Variants in SMYD3 observed in about 807,000 individuals in gnomAD.
The protein encoded by SMYD3 is histone-lysine N-methyltransferase SMYD3.
Under a neutral mutation model 57.7 loss-of-function variants are expected in SMYD3, and 36 were observed. The ratio of observed to expected loss-of-function variants is 0.62; its 90% CI spans 0.48 to 0.82. The LOEUF is 0.82. SMYD3 is among the 40% of genes least tolerant of loss of function. The probability of loss-of-function intolerance (pLI) is 0.00; values close to 1 mark genes in which losing one functional copy is unlikely to be tolerated. For missense variants in SMYD3, 515 were observed against 538.8 expected (o/e 0.96, Z 0.44); for synonymous variants, 211 against 195.0 (o/e 1.08, Z -0.68).
intron 9 of SMYD3, 103 bp downstream of exon 9, chr1:245,863,696 C>T: frequency 2.1e-6 from 2 of 970,926 alleles, no homozygotes; most frequent in South Asian, 3.0e-5. Flanking sequence ...ACCACTGGCT[C>T]ATGGAGAGGT....
At chr1:246,071,457 T>A (rs1251709036) in intron 5 of SMYD3, among the ~76,000 whole-genome samples, 1 of 152,210 alleles carries the variant, frequency 6.6e-6, no homozygotes, top group African/African-American at 2.4e-5. Context: ...TTAAAATATT[T>A]CAAAATTTCA....
Position 246,120,793 on chromosome 1 carries a change from A to G in SMYD3, c.532-190856T>C, listed in dbSNP as rs1235991731. Among the ~76,000 whole-genome samples, 4 of 152,208 alleles carry G rather than the reference A, an allele frequency of 2.6e-5. No homozygotes were observed. In the South Asian group the frequency reaches 6.2e-4, roughly 24 times the overall value. On this transcript the variant is annotated intron_variant, in intron 5 of 11. Coordinates refer to ENST00000490107, the MANE Select transcript of SMYD3 (RefSeq NM_001167740.2). ...GTGTGTTTCCAGACACTCTGAATGT[A>G]TTTGGGGTTAGTTATGTACACATCT...
intron 5 of SMYD3, among the ~76,000 whole-genome samples, chr1:245,948,003 T>A (rs1010831675): frequency 1.3e-5 from 2 of 152,146 alleles, no homozygotes; most frequent in African/African-American, 4.8e-5. Flanking sequence ...CCTAGGTCCA[T>A]CCGTGTTGTT....
chr1:245,886,208 T>C (rs2053078463), intron 8 of SMYD3, among the ~76,000 whole-genome samples: 1 of 152,234 alleles, frequency 6.6e-6, no homozygotes, highest in South Asian at 2.1e-4. Context: ...GGCCTTTAGC[T>C]ACAGCTTTCC....
At chr1:246,012,172 G>C (rs1376244263) in intron 5 of SMYD3, among the ~76,000 whole-genome samples, 1 of 152,122 alleles carries the variant, frequency 6.6e-6, no homozygotes, top group African/African-American at 2.4e-5. Context: ...TTGTCTTCTT[G>C]AGGGAAAAAC....
At chr1:245,795,427 C>T (rs925497770) in intron 10 of SMYD3, among the ~76,000 whole-genome samples, 1 of 152,212 alleles carries the variant, frequency 6.6e-6, no homozygotes, top group African/African-American at 2.4e-5. Flanking sequence ...CATATCTAGT[C>T]CCTGTTACAT....
intron 5 of SMYD3, among the ~76,000 whole-genome samples, chr1:246,151,688 T>C (rs557878507): frequency 6.6e-6 from 1 of 152,310 alleles, no homozygotes; most frequent in Non-Finnish European, 1.5e-5. Context: ...CAAATAATTT[T>C]CTTTAACTAC....
chr1:245,985,159 T>C (rs2058677513), intron 5 of SMYD3, among the ~76,000 whole-genome samples: 1 of 152,076 alleles, frequency 6.6e-6, no homozygotes, highest in South Asian at 2.1e-4. Context: ...TCCTGGAATA[T>C]CTGCTTTTCA....
chr1:245,807,897 T>C (rs1479125349), intron 10 of SMYD3, among the ~76,000 whole-genome samples: 1 of 152,148 alleles, frequency 6.6e-6, no homozygotes, highest in Non-Finnish European at 1.5e-5. Context: ...CCAGTTAAGC[T>C]GAATAGCATG....
chr1:246,391,207 G>A (rs565332453), intron 1 of SMYD3, among the ~76,000 whole-genome samples: 25 of 144,300 alleles, frequency 1.7e-4, no homozygotes, highest in Middle Eastern at 7.1e-3. Flanking sequence ...GCAACTAAGC[G>A]AGACTCTATA....
chr1:245,823,278 G>C (rs1039337665), intron 10 of SMYD3, among the ~76,000 whole-genome samples: 2 of 152,134 alleles, frequency 1.3e-5, no homozygotes, highest in Non-Finnish European at 2.9e-5. Context: ...CTGCTTCTCT[G>C]CCCTTCCCCC....
intron 5 of SMYD3, among the ~76,000 whole-genome samples, chr1:246,090,536 T>TA (rs1456092773): frequency 1.9e-4 from 29 of 150,710 alleles, no homozygotes; most frequent in African/African-American, 7.1e-4. Context: ...TTTTTTTTTT[T>TA]AGATGGAGTC....
chr1:246,129,431 ATAGAG>A (rs1441731695), intron 5 of SMYD3, among the ~76,000 whole-genome samples: 1 of 152,156 alleles, frequency 6.6e-6, no homozygotes, highest in African/African-American at 2.4e-5. Context: ...GAAATTAAGA[ATAGAG>A]TAAAGCATGG....
chr1:246,198,523 A>G (rs12075065), intron 5 of SMYD3, among the ~76,000 whole-genome samples: 6,745 of 152,312 alleles, frequency 0.044, 509 homozygotes, highest in African/African-American at 0.15. Flanking sequence ...TATGTTATTC[A>G]TCTTTTTTAA....
chr1:246,002,698 C>T (rs1158769434), intron 5 of SMYD3, among the ~76,000 whole-genome samples: 1 of 149,764 alleles, frequency 6.7e-6, no homozygotes, highest in Non-Finnish European at 1.5e-5. Flanking sequence ...GTGATCCGAC[C>T]GCCTCAGCCT....
intron 5 of SMYD3, among the ~76,000 whole-genome samples, chr1:246,083,731 C>T (rs2060681229): frequency 6.6e-6 from 1 of 152,134 alleles, no homozygotes; most frequent in South Asian, 2.1e-4. Context: ...CAGCTAATCT[C>T]ACCTACAATT....
intron 5 of SMYD3, chr1:245,930,218 T>C (rs1352781107): frequency 8.3e-6 from 4 of 480,464 alleles, no homozygotes; most frequent in Non-Finnish European, 1.6e-5. Context: ...TTCAGTCTCA[T>C]TATCCACTAC....
chr1:246,410,458 T>C (rs987825754), intron 1 of SMYD3, among the ~76,000 whole-genome samples: 1 of 152,278 alleles, frequency 6.6e-6, no homozygotes, highest in African/African-American at 2.4e-5. Context: ...GTTCTGTTTA[T>C]ATGCTGGACT....
chr1:246,010,886 G>T lies in SMYD3; in HGVS notation c.532-80949C>A, dbSNP rs915363435. On this transcript the variant is annotated intron_variant, in intron 5 of 11. Coordinates refer to ENST00000490107, the MANE Select transcript of SMYD3 (RefSeq NM_001167740.2). ...AAAGATGGTGTTTCCCCAAGGAAAG[G>T]TGTGCTTATCCTAGTTTGACAGTCT... Among the ~76,000 whole-genome samples the T allele has an allele frequency of 3.3e-5, 5 of 152,300 alleles. No individual in the cohort carries two copies. The East Asian group carries it at 9.7e-4, about 29-fold the overall frequency.
Sources: allele counts gnomAD v4.1 joint callset (sites outside exome capture counted in the v4.1 genomes callset), GRCh38; gene constraint gnomAD v4.1.1; transcripts MANE v1.5; gene names NCBI Gene and HGNC (gene_info 2026-07-23, HGNC 2026-07-21).